The following KDM4B variants were observed in gnomAD, a reference collection of about 807,000 sequenced individuals.
The protein encoded by KDM4B is lysine-specific demethylase 4B.
Under a neutral mutation model 125.2 loss-of-function variants are expected in KDM4B, and 32 were observed. That is an observed-to-expected ratio of 0.26 (90% CI 0.19 to 0.34). The LOEUF (loss-of-function observed/expected upper bound fraction) is 0.34, where lower values mean the gene tolerates loss of function less well. Ranked by LOEUF, KDM4B falls within the 10% of genes least tolerant of loss-of-function variation. The pLI is 1.00. For synonymous variants in KDM4B, 721 were observed against 677.9 expected, an observed-to-expected ratio of 1.06 and a Z score of -0.99; for missense variants, 1,190 against 1,577.7, an observed-to-expected ratio of 0.75 and a Z score of 4.16.
At position 5,110,598 on chromosome 19, in the gene KDM4B, C is replaced by T. The variant is rs759818231; in HGVS notation, c.919-24C>T. The T allele has an allele frequency of 4.3e-6, 7 of 1,612,140 alleles. No individual in the cohort carries two copies. The Admixed American group carries it at 1.2e-4, about 27-fold the overall frequency. ...CAGCCGTCCAGGTGTGGCGCGAGGG[C>T]TCAGACCGTGTCCCCTGCCGCAGTG... is the stretch of plus-strand genomic sequence containing the variant. On this transcript the variant is annotated intron_variant, in intron 9 of 22. Coordinates refer to ENST00000159111, the MANE Select transcript of KDM4B (RefSeq NM_015015.3).
chr19:5,141,715 C>G lies in KDM4B; in HGVS notation c.2551-2252C>G, dbSNP rs1457332387. On this transcript the variant is annotated intron_variant, in intron 18 of 22. Coordinates refer to ENST00000159111, the MANE Select transcript of KDM4B (RefSeq NM_015015.3). The surrounding 1 kb of genome is among the most constrained non-coding windows in gnomAD (Gnocchi z 6.4). ...TGGTGAGTCAGGGGGCTCCGGCTGG[C>G]CGCCCGCCTGGGCCAAGTTATCACC... 6.6e-6 allele frequency among the ~76,000 whole-genome samples: 1 copy of G among 152,188 alleles called. No individual in the cohort carries two copies. Among genetic ancestry groups the G allele is most frequent in the Non-Finnish European group, 1.5e-5 (1 of 68,034 alleles).
rs1215285723 is a variant in KDM4B, at chr19:5,073,402, C to T, written c.676+2343C>T. Among the ~76,000 whole-genome samples, 7 of 152,242 alleles carry T rather than the reference C, an allele frequency of 4.6e-5. No homozygotes were observed. In the East Asian group the frequency reaches 9.6e-4, roughly 21 times the overall value. On this transcript the variant is annotated intron_variant, in intron 7 of 22. Coordinates refer to ENST00000159111, the MANE Select transcript of KDM4B (RefSeq NM_015015.3). ...CCGGTGGGGAGCAGGCTCTAGGCTC[C>T]GCAGTCTGTACTGGAGCTGGGCTTC...
chr19:4,980,386 G>A (rs1290973532), intron 1 of KDM4B, among the ~76,000 whole-genome samples: 2 of 150,200 alleles, frequency 1.3e-5, no homozygotes, highest in Admixed American at 6.6e-5. Flanking sequence ...GTGTATCCAC[G>A]CATGGCATGT....
At chr19:4,980,030 A>T (rs562638517) in intron 1 of KDM4B, among the ~76,000 whole-genome samples, 9 of 152,210 alleles carry the variant, frequency 5.9e-5, no homozygotes, top group Non-Finnish European at 1.5e-5. Flanking sequence ...GCTTGAACCC[A>T]GGAGGCGGAG....
At chr19:4,988,771 G>A (rs1007558857) in intron 1 of KDM4B, among the ~76,000 whole-genome samples, 1 of 152,184 alleles carries the variant, frequency 6.6e-6, no homozygotes, top group Admixed American at 6.5e-5. Context: ...GAACCTCCAC[G>A]CATTCATCTG....
chr19:5,090,129 C>T (rs923641051), intron 9 of KDM4B, among the ~76,000 whole-genome samples: 1 of 152,160 alleles, frequency 6.6e-6, no homozygotes, highest in Non-Finnish European at 1.5e-5. Context: ...GTCCTGGAAG[C>T]CCAGCCCAGC....
At chr19:4,984,532 G>A (rs1447990558) in intron 1 of KDM4B, among the ~76,000 whole-genome samples, 1 of 152,144 alleles carries the variant, frequency 6.6e-6, no homozygotes, top group East Asian at 1.9e-4. Flanking sequence ...AGGCAGCGTT[G>A]ACCCCAAGAC....
intron 5 of KDM4B, among the ~76,000 whole-genome samples, chr19:5,042,998 T>G (rs1263738998): frequency 6.8e-6 from 1 of 147,796 alleles, no homozygotes; most frequent in Non-Finnish European, 1.5e-5. Context: ...TCACATGAGG[T>G]CAGCTGTGAA....
intron 2 of KDM4B, among the ~76,000 whole-genome samples, chr19:5,020,073 GTGT>G (rs969879235): frequency 2.7e-5 from 4 of 147,714 alleles, no homozygotes; most frequent in African/African-American, 5.0e-5. Context: ...TGGTGTGCAG[GTGT>G]TGGTGTGGAT....
rs768240045 is a variant in KDM4B, at chr19:5,131,185, A to G, written c.1425A>G (p.Ser475=). ...CGCCCCCGCCTGCTCACTTCCCCTC[A>G]GAGGAGGCGCTGTGGCTGCCATCCC... ...QLPPPPAHFP[S]EEALWLPSPL... is the part of the protein sequence containing the mutation. The change falls in exon 12 of 23, where the codon TCA becomes TCG. Residue 475 remains serine (S), a synonymous_variant. Coordinates refer to ENST00000159111, the MANE Select transcript of KDM4B (RefSeq NM_015015.3). 1 of 1,603,512 alleles carries G rather than the reference A, an allele frequency of 6.2e-7. No individual in the cohort carries two copies. Among genetic ancestry groups the G allele is most frequent in the South Asian group, 1.1e-5 (1 of 89,746 alleles).
intron 9 of KDM4B, among the ~76,000 whole-genome samples, chr19:5,091,487 G>C (rs1000229053): frequency 2.2e-4 from 34 of 152,112 alleles, no homozygotes; most frequent in Admixed American, 9.8e-4. Flanking sequence ...GCCATTCCAG[G>C]AAACGGCCCA....
intron 18 of KDM4B, chr19:5,138,378 C>T: frequency 2.7e-6 from 1 of 373,026 alleles, no homozygotes; most frequent in Non-Finnish European, 4.9e-6. Flanking sequence ...TTCCACCTTC[C>T]CACAAAAGCA....
chr19:4,999,637 C>T (rs189864674), intron 1 of KDM4B, among the ~76,000 whole-genome samples: 1 of 152,272 alleles, frequency 6.6e-6, no homozygotes, highest in East Asian at 1.9e-4. Flanking sequence ...TACATACAGA[C>T]ACCTGACATT....
intron 9 of KDM4B, among the ~76,000 whole-genome samples, chr19:5,090,194 G>C (rs1007770837): frequency 6.6e-6 from 1 of 152,128 alleles, no homozygotes; most frequent in African/African-American, 2.4e-5. Flanking sequence ...GGGTCTGCCA[G>C]GGAGAGGTGA....
intron 5 of KDM4B, among the ~76,000 whole-genome samples, chr19:5,044,875 C>G (rs956697563): frequency 6.6e-6 from 1 of 152,188 alleles, no homozygotes. Context: ...CCATTGGCCT[C>G]TTTGACCAAG....
chr19:5,151,711 C>T lies in KDM4B; in HGVS notation c.*200C>T, dbSNP rs892301848. The T allele has an allele frequency of 7.3e-6, 3 of 410,326 alleles. No individual in the cohort carries two copies. Among genetic ancestry groups the T allele is most frequent in the South Asian group, 1.2e-4 (1 of 8,018 alleles). 25.4% of individuals were successfully genotyped at this position (410,326 alleles called of 1,614,324 possible). A position where few individuals can be genotyped will look rare whatever the true frequency, so the allele number is the denominator to read the frequency against. ...CTCAGGGAGCAGGGCCAGGCGGGCT[C>T]GGGGGCCGGCCAGGGGAGCACCCCA... On this transcript the variant is annotated 3_prime_UTR_variant, in exon 23 of 23. Transcript: ENST00000159111.
At chr19:5,031,027 G>A (rs1051749726) in intron 2 of KDM4B, among the ~76,000 whole-genome samples, 2 of 152,230 alleles carry the variant, frequency 1.3e-5, no homozygotes, top group African/African-American at 2.4e-5. Context: ...GCCCAGCTCA[G>A]GCCGGCACTG....
chr19:5,089,553 A>G (rs1377165082), intron 9 of KDM4B, among the ~76,000 whole-genome samples: 2 of 152,102 alleles, frequency 1.3e-5, no homozygotes, highest in African/African-American at 2.4e-5. Flanking sequence ...GACTCTTGTG[A>G]TTCCCGTTTT....
chr19:5,104,724 A>G (rs2145965229), intron 9 of KDM4B, among the ~76,000 whole-genome samples: 2 of 152,192 alleles, frequency 1.3e-5, no homozygotes, highest in South Asian at 4.1e-4. Flanking sequence ...TCAGTGAGAA[A>G]ATGGACACCC....
Sources: gnomAD v4.1 joint callset for allele counts (sites outside exome capture counted in the v4.1 genomes callset) on GRCh38, gnomAD v4.1.1 for gene constraint, Gnocchi (gnomAD v3.1) non-coding constraint, MANE v1.5 for transcripts, NCBI Gene and HGNC (gene_info 2026-07-23, HGNC 2026-07-21) for gene names.